LPCAT1: variants seen among roughly 807,000 people sequenced by gnomAD.
LPCAT1 encodes the protein lysophosphatidylcholine acyltransferase 1, also known as 1-acylglycerol-3-phosphate O-acyltransferase.
In LPCAT1, 23 loss-of-function variants were observed where a neutral mutation model predicts 60.9. That is an observed-to-expected ratio of 0.38 (90% CI 0.27 to 0.53). LPCAT1 has a LOEUF of 0.53. Ranked by LOEUF, LPCAT1 falls within the 20% of genes least tolerant of loss-of-function variation. The probability of loss-of-function intolerance (pLI) is 0.82; values close to 1 mark genes in which losing one functional copy is unlikely to be tolerated. For synonymous variants in LPCAT1, 340 were observed against 301.1 expected (o/e 1.13, Z -1.34); for missense variants, 622 against 723.6 (o/e 0.86, Z 1.61).
intron 1 of LPCAT1, among the ~76,000 whole-genome samples, chr5:1,511,232 A>G (rs1362642299): frequency 6.6e-6 from 1 of 152,184 alleles, no homozygotes; most frequent in East Asian, 1.9e-4. Context: ...ACCTGGGCTC[A>G]CGGTTGGCTC....
rs187051856 is a variant in LPCAT1, at chr5:1,482,166, G to A, written c.727-1190C>T. Among the ~76,000 whole-genome samples the A allele has an allele frequency of 3.8e-3, 580 of 152,090 alleles. 4 individuals carry two copies. The highest frequency in any genetic ancestry group is 0.013 in the African/African-American group (545 of 41,502). ...TGGGGACCTTGAGTCCACCTGGGCC[G>A]TCTTTATGCTCCAGGAGCCCATGAA... On this transcript the variant is annotated intron_variant, in intron 6 of 13. Coordinates refer to ENST00000283415, the MANE Select transcript of LPCAT1 (RefSeq NM_024830.5).
At chr5:1,517,676 C>CA (rs35322573) in intron 1 of LPCAT1, among the ~76,000 whole-genome samples, 2,844 of 149,340 alleles carry the variant, frequency 0.019, 54 homozygotes, top group African/African-American at 0.049. Flanking sequence ...AATTCAACTG[C>CA]AAAAAAAAAA....
chr5:1,472,039 G>A (rs566393209), intron 11 of LPCAT1, among the ~76,000 whole-genome samples: 6 of 151,872 alleles, frequency 4.0e-5, no homozygotes, highest in Non-Finnish European at 8.8e-5. Context: ...TGGTCAGAGA[G>A]CAGGAGGAAG....
At chr5:1,500,872 TC>T (rs1165305214) in intron 2 of LPCAT1, among the ~76,000 whole-genome samples, 1 of 152,108 alleles carries the variant, frequency 6.6e-6, no homozygotes, top group Non-Finnish European at 1.5e-5. Flanking sequence ...AGATGGCCCC[TC>T]CCGGGCCCAC....
intron 13 of LPCAT1, among the ~76,000 whole-genome samples, chr5:1,466,412 C>A (rs1407712972): frequency 1.3e-5 from 2 of 152,202 alleles, no homozygotes; most frequent in East Asian, 1.9e-4. Context: ...TGACAAAGCC[C>A]ACAGCCAGTG....
intron 1 of LPCAT1, among the ~76,000 whole-genome samples, chr5:1,504,546 C>T (rs1251077708): frequency 6.6e-6 from 1 of 152,154 alleles, no homozygotes; most frequent in Non-Finnish European, 1.5e-5. Context: ...GAGAACCCAT[C>T]TCTACTAAAA....
chr5:1,512,807 G>C (rs1212850275), intron 1 of LPCAT1, among the ~76,000 whole-genome samples: 1 of 152,250 alleles, frequency 6.6e-6, no homozygotes, highest in East Asian at 1.9e-4. Context: ...GTGTGTGAAA[G>C]AAAACACGCT....
intron 1 of LPCAT1, among the ~76,000 whole-genome samples, chr5:1,519,627 G>A (rs986949133): frequency 6.6e-6 from 1 of 152,222 alleles, no homozygotes; most frequent in Non-Finnish European, 1.5e-5. Flanking sequence ...CTCCCTGCCT[G>A]GGAGACGGCA....
chr5:1,473,826 G>T, intron 11 of LPCAT1, 131 bp downstream of exon 11: 1 of 1,035,128 alleles, frequency 9.7e-7, no homozygotes, highest in Non-Finnish European at 1.4e-6. Flanking sequence ...AGGGTGGGGT[G>T]GTGATGGGTG....
At chr5:1,514,783 C>A (rs1361145231) in intron 1 of LPCAT1, among the ~76,000 whole-genome samples, 1 of 152,122 alleles carries the variant, frequency 6.6e-6, no homozygotes, top group Non-Finnish European at 1.5e-5. Flanking sequence ...GGTCCCCCTG[C>A]GTGCTCCGCC....
Position 1,479,533 on chromosome 5 carries a change from T to C in LPCAT1, c.816+88A>G. ...GCAAGACAGGTGATATGCCACATTG[T>C]ACAAGGCTTATCTGGGCATCCTGGT... is the stretch of plus-strand genomic sequence containing the variant. On this transcript the variant is annotated intron_variant, in intron 8 of 13. Transcript: ENST00000283415. 2.1e-6 allele frequency: 2 copies of C among 967,626 alleles called. 1 individual carries two copies. The highest frequency in any genetic ancestry group is 2.6e-5 in the South Asian group (2 of 77,432). The allele number at this position is 967,626 out of a possible 1,614,324, so 59.9% of individuals were successfully genotyped here. A position where few individuals can be genotyped will look rare whatever the true frequency, so the allele number is the denominator to read the frequency against.
intron 1 of LPCAT1, among the ~76,000 whole-genome samples, chr5:1,511,582 G>A (rs111477876): frequency 0.017 from 2,492 of 150,802 alleles, 32 homozygotes; most frequent in Middle Eastern, 0.034. Context: ...CTCACCCTAC[G>A]TGGGGATGTC....
intron 6 of LPCAT1, among the ~76,000 whole-genome samples, chr5:1,482,073 C>T (rs1479684383): frequency 1.3e-5 from 2 of 152,136 alleles, no homozygotes; most frequent in Non-Finnish European, 2.9e-5. Context: ...ATGGGCAGGC[C>T]CTCCTCGGTG....
At chr5:1,485,130 C>T (rs1341898586) in intron 5 of LPCAT1, among the ~76,000 whole-genome samples, 3 of 152,152 alleles carry the variant, frequency 2.0e-5, no homozygotes, top group Admixed American at 1.3e-4. Context: ...ACAGCTCAGC[C>T]GACCATCCCG....
chr5:1,519,417 C>T (rs540278296), intron 1 of LPCAT1, among the ~76,000 whole-genome samples: 1 of 152,296 alleles, frequency 6.6e-6, no homozygotes, highest in South Asian at 2.1e-4. Context: ...AAGTCTTTTC[C>T]GATTTTGAAC....
Position 1,494,193 on chromosome 5 carries a change from C to T in LPCAT1, c.493+507G>A, listed in dbSNP as rs959870916. On this transcript the variant is annotated intron_variant, in intron 3 of 13. Transcript: ENST00000283415. The stretch of plus-strand genomic sequence containing the variant: ...GTGCATGGGCAGCCCTGCCGACCTG[C>T]TCCCAAAGACTTCCAGAACTGCCAT... Among the ~76,000 whole-genome samples, 3 of 152,348 alleles carry T rather than the reference C, an allele frequency of 2.0e-5. No homozygotes were observed. In the East Asian group the frequency reaches 5.8e-4, roughly 29 times the overall value.
chr5:1,512,181 C>T (rs987260891), intron 1 of LPCAT1, among the ~76,000 whole-genome samples: 7 of 152,224 alleles, frequency 4.6e-5, no homozygotes, highest in African/African-American at 1.7e-4. Context: ...AGTCTGAGCT[C>T]CTGTGTGGCG....
At chr5:1,490,258 A>T (rs1483147950) in intron 3 of LPCAT1, among the ~76,000 whole-genome samples, 1 of 152,220 alleles carries the variant, frequency 6.6e-6, no homozygotes, top group Admixed American at 6.5e-5. Context: ...GTTGAACTGC[A>T]TCCCCTAAAA....
At chr5:1,486,132 G>A (rs1735362801) in intron 5 of LPCAT1, among the ~76,000 whole-genome samples, 1 of 152,198 alleles carries the variant, frequency 6.6e-6, no homozygotes, top group East Asian at 1.9e-4. Context: ...GAGGGTGAGT[G>A]TGGGCACTGG....
Sources: gnomAD v4.1 joint callset for allele counts (sites outside exome capture counted in the v4.1 genomes callset) on GRCh38, gnomAD v4.1.1 for gene constraint, MANE v1.5 for transcripts, NCBI Gene and HGNC (gene_info 2026-07-23, HGNC 2026-07-21) for gene names.